Variants in LY96 observed in about 807,000 individuals in gnomAD.
LY96 encodes myeloid differentiation protein-2.
Under a neutral mutation model 18.9 loss-of-function variants are expected in LY96, and 18 were observed. The observed-to-expected ratio is 0.95, with a 90% confidence interval of 0.66 to 1.41. The LOEUF (loss-of-function observed/expected upper bound fraction) is 1.41. Among genes scored for constraint, LY96 ranks in the 40% most tolerant of loss-of-function variants. LY96 has a pLI of 0.00. For missense variants in LY96, 175 were observed against 182.4 expected (o/e 0.96, Z 0.23); for synonymous variants, 66 against 62.6 (o/e 1.06, Z -0.26).
downstream of LY96, among the ~76,000 whole-genome samples, chr8:74,029,694 C>G (rs936422614): frequency 5.3e-5 from 8 of 152,190 alleles, no homozygotes; most frequent in African/African-American, 1.7e-4. Context: ...GAGTCTCACT[C>G]TGTCACCCAG....
chr8:74,055,493 G>T, the LY96 span, among the ~76,000 whole-genome samples: 1 of 152,060 alleles, frequency 6.6e-6, no homozygotes, highest in Non-Finnish European at 1.5e-5. Context: ...ATCAATTGCT[G>T]TATGTAGAGC....
At chr8:74,040,698 G>GTTTTTTTT in the LY96 span, among the ~76,000 whole-genome samples, 4 of 109,238 alleles carry the variant, frequency 3.7e-5, no homozygotes, top group African/African-American at 7.4e-5. Flanking sequence ...CTATGTGTCT[G>GTTTTTTTT]TTTTTTTTTT....
chr8:74,026,372 T>C (rs1015581863), intron 3 of LY96, among the ~76,000 whole-genome samples: 1 of 152,218 alleles, frequency 6.6e-6, no homozygotes, highest in African/African-American at 2.4e-5. Flanking sequence ...TGGGAGGAGC[T>C]TCAGTATTCT....
the LY96 span, among the ~76,000 whole-genome samples, chr8:74,074,522 A>G: frequency 6.6e-6 from 1 of 151,390 alleles, no homozygotes; most frequent in African/African-American, 2.4e-5. Flanking sequence ...CTTTTCTTCT[A>G]CTAATTTTGG....
At chr8:74,063,078 T>C in the LY96 span, among the ~76,000 whole-genome samples, 1 of 152,202 alleles carries the variant, frequency 6.6e-6, no homozygotes, top group Non-Finnish European at 1.5e-5. Flanking sequence ...CTGGGTCATC[T>C]GAAGGCTTGA....
chr8:74,099,425 T>G, the LY96 span: 7 of 152,290 alleles, frequency 4.6e-5, no homozygotes, highest in Non-Finnish European at 1.0e-4. Context: ...GCAGTTTTGG[T>G]GCAACAACAG....
intron 1 of LY96, among the ~76,000 whole-genome samples, chr8:74,002,012 TTCCTTCCTTCCTTCCTTCCTTC>T (rs1816289303): frequency 5.1e-4 from 5 of 9,826 alleles, no homozygotes; most frequent in East Asian, 2.7e-3. Context: ...CCTTTCTTCC[TTCCTTCCTTCCTTCCTTCCTTC>T]CTTCCTTCCT....
At chr8:74,075,938 G>A in the LY96 span, among the ~76,000 whole-genome samples, 92 of 152,338 alleles carry the variant, frequency 6.0e-4, no homozygotes, top group African/African-American at 2.1e-3. Context: ...AAGGGAAGGT[G>A]CTAGACGGAG....
chr8:73,995,022 C>T (rs1282184799), intron 1 of LY96, among the ~76,000 whole-genome samples: 3 of 152,134 alleles, frequency 2.0e-5, no homozygotes, highest in Non-Finnish European at 4.4e-5. Flanking sequence ...AGAGGTGGGA[C>T]TTTTAAGAGG....
chr8:74,046,900 A>ATTT, the LY96 span, among the ~76,000 whole-genome samples: 1 of 124,442 alleles, frequency 8.0e-6, no homozygotes, highest in Admixed American at 7.6e-5. Flanking sequence ...TCTCATTCTC[A>ATTT]TTCTTTTTTT....
chr8:74,054,170 G>C, the LY96 span, among the ~76,000 whole-genome samples: 2 of 152,114 alleles, frequency 1.3e-5, no homozygotes, highest in African/African-American at 4.8e-5. Context: ...TGGGCCACAG[G>C]TGTGTGTCAC....
the LY96 span, among the ~76,000 whole-genome samples, chr8:74,082,588 C>A: frequency 2.6e-5 from 4 of 152,160 alleles, no homozygotes; most frequent in Non-Finnish European, 5.9e-5. Flanking sequence ...TTTTCTCACC[C>A]ATCGTAGGTT....
At chr8:73,997,120 G>T (rs190435188) in intron 1 of LY96, among the ~76,000 whole-genome samples, 1 of 152,154 alleles carries the variant, frequency 6.6e-6, no homozygotes, top group Non-Finnish European at 1.5e-5. Context: ...GCCTCCCAAC[G>T]TGTCGGGATT....
At chr8:74,013,947 A>T (rs1816585205) in intron 3 of LY96, among the ~76,000 whole-genome samples, 1 of 152,002 alleles carries the variant, frequency 6.6e-6, no homozygotes, top group Non-Finnish European at 1.5e-5. Flanking sequence ...GATAACTAGC[A>T]TCCATATGGC....
intron 3 of LY96, among the ~76,000 whole-genome samples, 155 bp downstream of exon 3, chr8:74,010,284 T>C (rs573838654): frequency 1.2e-4 from 18 of 152,350 alleles, no homozygotes; most frequent in African/African-American, 3.8e-4. Flanking sequence ...TAACATTTTA[T>C]AACTATATAC....
At chr8:74,068,404 G>A in the LY96 span, among the ~76,000 whole-genome samples, 8 of 152,080 alleles carry the variant, frequency 5.3e-5, no homozygotes, top group Admixed American at 2.0e-4. Context: ...TTTGGTTTTA[G>A]CTCTTATGAA....
the LY96 span, among the ~76,000 whole-genome samples, chr8:74,077,042 C>G: frequency 6.6e-6 from 1 of 152,072 alleles, no homozygotes; most frequent in Non-Finnish European, 1.5e-5. Context: ...ACTTTACTTA[C>G]GTTTAGTGGT....
chr8:73,991,581 T>C, intron 1 of LY96, 27 bp downstream of exon 1: 1 of 1,305,150 alleles, frequency 7.7e-7, no homozygotes, highest in Non-Finnish European at 1.1e-6. Context: ...AACAAATAAT[T>C]GTAGCATCAA....
At chr8:74,083,570 A>G in the LY96 span, among the ~76,000 whole-genome samples, 1 of 152,244 alleles carries the variant, frequency 6.6e-6, no homozygotes, top group Non-Finnish European at 1.5e-5. Flanking sequence ...CCTTAATATT[A>G]TCAGATATCC....
Sources: allele counts gnomAD v4.1 joint callset (sites outside exome capture counted in the v4.1 genomes callset), GRCh38; gene constraint gnomAD v4.1.1; transcripts MANE v1.5; gene names NCBI Gene and HGNC (gene_info 2026-07-23, HGNC 2026-07-21).